NKAIN2: variants seen among roughly 807,000 people sequenced by gnomAD.
NKAIN2 encodes sodium/potassium transporting ATPase interacting 2.
Under a neutral mutation model 32.6 loss-of-function variants are expected in NKAIN2, and 14 were observed. The ratio of observed to expected loss-of-function variants is 0.43; its 90% CI spans 0.28 to 0.67. The LOEUF (loss-of-function observed/expected upper bound fraction) is 0.67. Ranked by LOEUF, NKAIN2 falls within the 30% of genes least tolerant of loss-of-function variation. NKAIN2 has a pLI of 0.17. For missense variants in NKAIN2, 198 were observed against 258.3 expected (o/e 0.77, Z 1.60); for synonymous variants, 80 against 87.2 (o/e 0.92, Z 0.46).
intron 1 of NKAIN2, among the ~76,000 whole-genome samples, chr6:124,113,086 A>T (rs1317554943): frequency 6.7e-6 from 1 of 150,324 alleles, no homozygotes. Flanking sequence ...ATTTTTCTTG[A>T]CTCTCTCTGT....
chr6:124,682,788 C>CT (rs1773684929), intron 4 of NKAIN2, among the ~76,000 whole-genome samples: 1 of 152,006 alleles, frequency 6.6e-6, no homozygotes, highest in Non-Finnish European at 1.5e-5. Context: ...TATAAAACAA[C>CT]GTCTTTTTTT....
intron 3 of NKAIN2, among the ~76,000 whole-genome samples, chr6:124,544,314 A>G (rs541602412): frequency 6.8e-6 from 1 of 147,200 alleles, no homozygotes; most frequent in Non-Finnish European, 1.5e-5. Flanking sequence ...CTCCACCCCC[A>G]CCTCCCAACT....
At chr6:124,218,828 T>C (rs1229442704) in intron 1 of NKAIN2, among the ~76,000 whole-genome samples, 1 of 152,202 alleles carries the variant, frequency 6.6e-6, no homozygotes, top group African/African-American at 2.4e-5. Context: ...GAGTATTGTA[T>C]TAGTTCATTT....
At chr6:123,936,977 C>G (rs1028354065) in intron 1 of NKAIN2, among the ~76,000 whole-genome samples, 1 of 152,022 alleles carries the variant, frequency 6.6e-6, no homozygotes, top group African/African-American at 2.4e-5. Context: ...CCTAATTATT[C>G]CCTGTTAAGT....
At chr6:124,644,686 A>G (rs1784108988) in intron 3 of NKAIN2, among the ~76,000 whole-genome samples, 1 of 152,134 alleles carries the variant, frequency 6.6e-6, no homozygotes, top group South Asian at 2.1e-4. Context: ...ATTATATGGC[A>G]TGAGCCACCA....
At chr6:124,460,572 A>C (rs1406574897) in intron 3 of NKAIN2, among the ~76,000 whole-genome samples, 1 of 151,698 alleles carries the variant, frequency 6.6e-6, no homozygotes, top group East Asian at 1.9e-4. Flanking sequence ...TTTACCTCTT[A>C]TTATTGCTGA....
At chr6:124,298,281 T>C (rs911613333) in intron 2 of NKAIN2, among the ~76,000 whole-genome samples, 7 of 152,322 alleles carry the variant, frequency 4.6e-5, no homozygotes, top group African/African-American at 1.7e-4. Flanking sequence ...TCTATAACCA[T>C]GTTTTGTGTA....
At chr6:124,339,059 C>T (rs945098184) in intron 2 of NKAIN2, among the ~76,000 whole-genome samples, 1 of 152,060 alleles carries the variant, frequency 6.6e-6, no homozygotes, top group South Asian at 2.1e-4. Context: ...CAGTGGCTCA[C>T]GGGCTGGGTG....
intron 1 of NKAIN2, among the ~76,000 whole-genome samples, chr6:124,029,418 G>A (rs575767682): frequency 2.0e-5 from 3 of 149,822 alleles, no homozygotes; most frequent in South Asian, 4.2e-4. Flanking sequence ...AAGTAGGGCC[G>A]CAGTAATTGA....
At chr6:124,268,327 G>C (rs886429004) in intron 1 of NKAIN2, among the ~76,000 whole-genome samples, 2 of 152,170 alleles carry the variant, frequency 1.3e-5, no homozygotes, top group African/African-American at 4.8e-5. Flanking sequence ...TTTGTAAGTA[G>C]TTCTGTGCTT....
rs79401843 is a variant in NKAIN2, at chr6:124,401,601, C to G, written c.273+46254C>G. 1.8e-3 allele frequency among the ~76,000 whole-genome samples: 277 copies of G among 152,280 alleles called. 2 individuals carry two copies. The highest frequency in any genetic ancestry group is 3.5e-3 in the Non-Finnish European group (235 of 68,030). ...ATAGCTCACTCTTGGTGTGGTCAGG[C>G]TTTTTCCATGTTGCCATTTCTGCTG... On this transcript the variant is annotated intron_variant, in intron 3 of 6. Transcript: ENST00000368417.
chr6:123,913,469 G>A (rs1266543747), intron 1 of NKAIN2, among the ~76,000 whole-genome samples: 2 of 152,088 alleles, frequency 1.3e-5, no homozygotes, highest in East Asian at 1.9e-4. Flanking sequence ...ACTGCTGGTT[G>A]CAAAGTGCTT....
intron 1 of NKAIN2, among the ~76,000 whole-genome samples, chr6:123,918,584 G>A (rs1775604711): frequency 6.6e-6 from 1 of 152,136 alleles, no homozygotes; most frequent in Admixed American, 6.6e-5. Context: ...AGGTATTTGA[G>A]CAGACATTAT....
At chr6:124,609,690 A>G (rs1373767399) in intron 3 of NKAIN2, among the ~76,000 whole-genome samples, 1 of 151,730 alleles carries the variant, frequency 6.6e-6, no homozygotes, top group South Asian at 2.1e-4. Flanking sequence ...TCACTTTTAC[A>G]TGAACGCAAC....
chr6:124,145,729 T>C (rs533183741), intron 1 of NKAIN2, among the ~76,000 whole-genome samples: 14 of 152,176 alleles, frequency 9.2e-5, no homozygotes, highest in Admixed American at 2.6e-4. Flanking sequence ...GTGGTCTCGA[T>C]CTCATGACCT....
intron 3 of NKAIN2, among the ~76,000 whole-genome samples, chr6:124,358,889 G>C (rs1463526772): frequency 8.6e-5 from 13 of 150,814 alleles, no homozygotes; most frequent in Non-Finnish European, 1.9e-4. Context: ...TTTCTTCTAG[G>C]GTTTTTATGG....
chr6:124,759,588 A>AAC lies in NKAIN2; in HGVS notation c.475-31684_475-31683dup, dbSNP rs542448143. Among the ~76,000 whole-genome samples, 253 of 84,534 alleles carry AAC rather than the reference A, an allele frequency of 3.0e-3. 5 individuals are homozygous for AAC. The highest frequency in any genetic ancestry group is 0.01 in the African/African-American group (195 of 18,938). 55.5% of individuals were successfully genotyped at this position (84,534 alleles called of 152,430 possible). A position where few individuals can be genotyped will look rare whatever the true frequency, so the allele number is the denominator to read the frequency against. On this transcript the variant is annotated intron_variant, in intron 4 of 6. Coordinates refer to ENST00000368417, the MANE Select transcript of NKAIN2 (RefSeq NM_001040214.3). ...CCCTAGCCACCCTGTCTGAAATTGC[A>AAC]ACACACACACACACACACACACACA...
chr6:124,593,288 C>T (rs1227958037), intron 3 of NKAIN2, among the ~76,000 whole-genome samples: 1 of 152,000 alleles, frequency 6.6e-6, no homozygotes, highest in African/African-American at 2.4e-5. Context: ...GGAGAGTTTT[C>T]AGCATTCTTC....
chr6:124,692,023 C>T (rs756479759), intron 4 of NKAIN2, among the ~76,000 whole-genome samples: 11 of 151,868 alleles, frequency 7.2e-5, no homozygotes, highest in Admixed American at 2.6e-4. Context: ...ATATAAAATG[C>T]GATATTCGAA....
Sources: gnomAD v4.1 joint callset for allele counts (sites outside exome capture counted in the v4.1 genomes callset) on GRCh38, gnomAD v4.1.1 for gene constraint, MANE v1.5 for transcripts, NCBI Gene and HGNC (gene_info 2026-07-23, HGNC 2026-07-21) for gene names.